TEX261: variants seen among roughly 807,000 people sequenced by gnomAD.
The protein encoded by TEX261 is protein TEX261.
Under a neutral mutation model 25.1 loss-of-function variants are expected in TEX261, and 13 were observed. The observed-to-expected ratio is 0.52, with a 90% CI of 0.34 to 0.82. The LOEUF (loss-of-function observed/expected upper bound fraction) is 0.82, where lower values mean the gene tolerates loss of function less well. Ranked by LOEUF, TEX261 falls within the 40% of genes least tolerant of loss-of-function variation. The pLI is 0.02. For missense variants in TEX261, 206 were observed against 243.2 expected, an observed-to-expected ratio of 0.85 and a Z score of 1.02; for synonymous variants, 92 against 97.8, an observed-to-expected ratio of 0.94 and a Z score of 0.35.
chr2:70,994,657 G>C (rs1375382257), intron 1 of TEX261, 31 bp downstream of exon 1: 1 of 1,572,212 alleles, frequency 6.4e-7, no homozygotes, highest in Non-Finnish European at 8.6e-7. Flanking sequence ...CGGGGCGGGA[G>C]CCCGCGCGGG....
intron 1 of TEX261, 126 bp from the exon 2 acceptor site, chr2:70,993,901 A>C: frequency 4.1e-6 from 3 of 723,098 alleles, no homozygotes; most frequent in Non-Finnish European, 2.4e-6. Context: ...CAAACCAAAC[A>C]TCCCATGTGT....
At position 70,994,568 on chromosome 2, in the gene TEX261, G is replaced by T. The variant is rs1274477786; in HGVS notation, c.70+120C>A. On this transcript the variant is annotated intron_variant, in intron 1 of 5. Transcript: ENST00000272438. The stretch of plus-strand genomic sequence containing the variant: ...TCAGGCGGGAAGGGGTTGGGGCGGC[G>T]AAGGCCGGGAGCGCCGGGCAGTGGT... The T allele has an allele frequency of 7.0e-6, 10 of 1,433,244 alleles. No individual in the cohort carries two copies. The African/African-American group carries it at 1.5e-4, about 21-fold the overall frequency. 88.8% of individuals were successfully genotyped at this position (1,433,244 alleles called of 1,614,324 possible).
At position 70,994,829 on chromosome 2, in the gene TEX261, G is replaced by T. The variant is rs1348125135; in HGVS notation, c.-72C>A. 3.1e-6 allele frequency: 4 copies of T among 1,282,612 alleles called. No homozygotes were observed. The highest frequency in any genetic ancestry group is 1.6e-5 in the African/African-American group (1 of 61,976). 79.5% of individuals were successfully genotyped at this position (1,282,612 alleles called of 1,614,324 possible). ...GCTTCGGCTCCGGCGACACACAGCC[G>T]CCACCGCCGCCGCCGCCGCCGCGTC... On this transcript the variant is annotated 5_prime_UTR_variant, in exon 1 of 6. Transcript: ENST00000272438.
At chr2:70,989,076 G>A in intron 4 of TEX261, 59 bp from the exon 5 acceptor site, 2 of 1,445,316 alleles carry the variant, frequency 1.4e-6, no homozygotes, top group Middle Eastern at 3.5e-4. Flanking sequence ...TGGGCTGGGT[G>A]TGGTGACTGC....
intron 2 of TEX261, among the ~76,000 whole-genome samples, chr2:70,993,207 A>G (rs977770015): frequency 1.3e-5 from 2 of 152,234 alleles, no homozygotes; most frequent in African/African-American, 4.8e-5. Context: ...AGTGGCAAGG[A>G]CTGTGTCTTC....
Position 70,987,922 on chromosome 2 carries a change from C to G in TEX261, c.*678G>C, listed in dbSNP as rs974854442. 5 of 152,758 alleles carry G rather than the reference C, an allele frequency of 3.3e-5. No homozygotes were observed. The highest frequency in any genetic ancestry group is 7.3e-5 in the Non-Finnish European group (5 of 68,224). The allele number at this position is 152,758 out of a possible 1,614,324, so 9.5% of individuals were successfully genotyped here. On this transcript the variant is annotated 3_prime_UTR_variant, in exon 6 of 6. Transcript: ENST00000272438. ...GCATCAGAGAGGCTGCCTATAGCCC[C>G]ACTTCCCACTCCTTGAGCAGGCTCA...
intron 1 of TEX261, among the ~76,000 whole-genome samples, 182 bp from the exon 2 acceptor site, chr2:70,993,957 G>A (rs781811835): frequency 6.6e-6 from 1 of 152,198 alleles, no homozygotes; most frequent in Non-Finnish European, 1.5e-5. Flanking sequence ...GGGCAACTAA[G>A]GACAAATCTC....
intron 4 of TEX261, chr2:70,989,533 G>A (rs1553425393): frequency 5.5e-6 from 3 of 548,184 alleles, no homozygotes; most frequent in East Asian, 3.2e-5. Flanking sequence ...AGGACTCACT[G>A]AGGAAGAGCA....
intron 3 of TEX261, among the ~76,000 whole-genome samples, 176 bp from the exon 4 acceptor site, chr2:70,989,992 G>A (rs987949436): frequency 2.0e-5 from 3 of 152,218 alleles, no homozygotes; most frequent in Admixed American, 6.5e-5. Flanking sequence ...ATGGGAGAAT[G>A]AGCCTCAACC....
intron 3 of TEX261, among the ~76,000 whole-genome samples, chr2:70,990,509 C>A (rs1007157825): frequency 2.6e-5 from 4 of 152,146 alleles, no homozygotes; most frequent in African/African-American, 9.7e-5. Context: ...ATCCTGGACA[C>A]AGGCTGCTCA....
intron 3 of TEX261, among the ~76,000 whole-genome samples, chr2:70,990,574 A>G (rs1553425532): frequency 1.1e-4 from 17 of 152,182 alleles, no homozygotes; most frequent in Non-Finnish European, 2.5e-4. Flanking sequence ...GGCACCAGAA[A>G]GAACATGTCC....
At chr2:70,989,464 GAGA>G (rs1553425378) in intron 4 of TEX261, 1 of 448,992 alleles carries the variant, frequency 2.2e-6, no homozygotes, top group African/African-American at 2.0e-5. Flanking sequence ...GACTGTGTCA[GAGA>G]AGGTCACCCT....
chr2:70,991,994 C>A lies in TEX261; in HGVS notation c.151-11G>T. ...TACAGCGGTGGAGAACTGAAACAAC[C>A]AGAGGCAGACAGTGCAGGGCGCTTC... On this transcript the variant is annotated splice_polypyrimidine_tract_variant and intron_variant, in intron 2 of 5. Transcript: ENST00000272438. The A allele has an allele frequency of 6.3e-7, 1 of 1,581,922 alleles. No homozygotes were observed. Among genetic ancestry groups the A allele is most frequent in the South Asian group, 1.2e-5 (1 of 85,172 alleles).
chr2:70,989,307 A>G (rs1478756572), intron 4 of TEX261: 1 of 496,822 alleles, frequency 2.0e-6, no homozygotes, highest in Non-Finnish European at 3.7e-6. Context: ...TGACTGACTG[A>G]CCCACACCCC....
In TEX261 at chr2:70,994,689, G is replaced by A. The variant is rs1553426035; in HGVS notation, c.69C>T (p.Val23=). 3 of 1,600,384 alleles carry A rather than the reference G, an allele frequency of 1.9e-6. No individual in the cohort carries two copies. Among genetic ancestry groups the A allele is most frequent in the Non-Finnish European group, 2.6e-6 (3 of 1,174,688 alleles). The change falls in exon 1 of 6, where the codon GTC becomes GTT. Residue 23 remains valine (V), a splice_region_variant and synonymous_variant. Coordinates refer to ENST00000272438, the MANE Select transcript of TEX261 (RefSeq NM_144582.3). ...FIQVAFITLA[V]AAGLYYLAEL... ...CGGGCCGGGGTCGTGCAGTCTCACCGACAGCCAGCGTGATGAAGGCCACCT... is the reference window on the plus strand; with the variant it reads ...CGGGCCGGGGTCGTGCAGTCTCACCAACAGCCAGCGTGATGAAGGCCACCT...
chr2:70,988,660 G>A lies in TEX261; in HGVS notation c.531C>T (p.Ile177=), dbSNP rs1553425211. Residue 177 remains isoleucine, a synonymous_variant, in exon 6 of 6, where the codon ATC becomes ATT. Coordinates refer to ENST00000272438, the MANE Select transcript of TEX261 (RefSeq NM_144582.3). ...TKGKRGKRLG[I]LVVFSFIKEA... ...CTTTGATGAAGGAGAAGACAACCAG[G>A]ATCCCTAAGCGTTTGCCCCGCTTGC... 1 of 1,614,182 alleles carries A rather than the reference G, an allele frequency of 6.2e-7. No individual in the cohort carries two copies.
chr2:70,986,474 G>GTCACGA lies in TEX261; in HGVS notation c.*2125_*2126insTCGTGA, dbSNP rs1238906636. On this transcript the variant is annotated 3_prime_UTR_variant, in exon 6 of 6. Transcript: ENST00000272438. ...GCTCTGGCCACATGATAGAGAAGCA[G>GTCACGA]TAGGAGGCTGTCACGATAATCCAGG... The GTCACGA allele has an allele frequency of 1.3e-5, 2 of 152,854 alleles. No individual in the cohort carries two copies. Among genetic ancestry groups the GTCACGA allele is most frequent in the African/African-American group, 4.8e-5 (2 of 41,588 alleles). The allele number at this position is 152,854 out of a possible 1,614,324, so 9.5% of individuals were successfully genotyped here.
intron 3 of TEX261, among the ~76,000 whole-genome samples, chr2:70,990,100 CG>C (rs1553425468): frequency 6.6e-6 from 1 of 152,160 alleles, no homozygotes; most frequent in East Asian, 1.9e-4. Flanking sequence ...AGCATCATGA[CG>C]ATGAACCTCG....
intron 2 of TEX261, 63 bp downstream of exon 2, chr2:70,993,633 A>G: frequency 2.2e-6 from 3 of 1,362,922 alleles, no homozygotes; most frequent in South Asian, 1.2e-5. Flanking sequence ...AACTCTCCCC[A>G]CTTCCTGCTT....
Sources: allele counts gnomAD v4.1 joint callset (sites outside exome capture counted in the v4.1 genomes callset), GRCh38; gene constraint gnomAD v4.1.1; transcripts MANE v1.5; gene names NCBI Gene and HGNC (gene_info 2026-07-23, HGNC 2026-07-21).